SLC5A6: variants seen among roughly 807,000 people sequenced by gnomAD.
The protein encoded by SLC5A6 is sodium-dependent multivitamin transporter.
In SLC5A6, 31 loss-of-function variants were observed where a neutral mutation model predicts 67.9. That is an observed-to-expected ratio of 0.46 (90% CI 0.34 to 0.62). The LOEUF (loss-of-function observed/expected upper bound fraction) is 0.62. Among genes scored for constraint, SLC5A6 ranks in the 20% least tolerant of loss-of-function variants. The probability of loss-of-function intolerance (pLI) is 0.01; values close to 1 mark genes in which losing one functional copy is unlikely to be tolerated. For missense variants in SLC5A6, 673 were observed against 812.8 expected (o/e 0.83, Z 2.09); for synonymous variants, 343 against 331.0 (o/e 1.04, Z -0.39).
At chr2:27,205,957 C>G in intron 6 of SLC5A6, 69 bp downstream of exon 6, 1 of 1,175,178 alleles carries the variant, frequency 8.5e-7, no homozygotes, top group East Asian at 2.3e-5. Context: ...CTCTTCTTTT[C>G]CTTCTCTTCC....
chr2:27,206,866 A>G lies in SLC5A6; in HGVS notation c.459+11T>C, dbSNP rs201045263. ...TGCCCTAGGCTCGGTTTCTATCCTC[A>G]TTCTGCTTACCATCTGAAAGATGAA... On this transcript the variant is annotated intron_variant, in intron 4 of 16. Coordinates refer to ENST00000310574, the MANE Select transcript of SLC5A6 (RefSeq NM_021095.4). The G allele has an allele frequency of 3.0e-5, 49 of 1,609,226 alleles. No homozygotes were observed. Among genetic ancestry groups the G allele is most frequent in the Non-Finnish European group, 4.1e-5 (48 of 1,175,492 alleles).
At position 27,207,715 on chromosome 2, in the gene SLC5A6, G is replaced by A. The variant is rs988872353; in HGVS notation, c.-65C>T. 2.2e-5 allele frequency: 33 copies of A among 1,475,564 alleles called. No homozygotes were observed. The highest frequency in any genetic ancestry group is 1.3e-4 in the South Asian group (10 of 79,066). 91.4% of individuals were successfully genotyped at this position (1,475,564 alleles called of 1,614,324 possible). ...CAGGGCTCTGGGGTAGGGCAGGGGC[G>A]GATGTGTGGCTACAATCTGGCTTCC... On this transcript the variant is annotated 5_prime_UTR_variant, in exon 3 of 17. Coordinates refer to ENST00000310574, the MANE Select transcript of SLC5A6 (RefSeq NM_021095.4). This position sits in a 1 kb window ranked among gnomAD's most constrained non-coding sequence, Gnocchi z 5.5.
intron 7 of SLC5A6, 54 bp downstream of exon 7, chr2:27,205,296 T>C: frequency 1.9e-6 from 3 of 1,566,418 alleles, no homozygotes; most frequent in Non-Finnish European, 2.6e-6. Flanking sequence ...GCCTCTAGGA[T>C]GGGCTCAGCG....
intron 16 of SLC5A6, 52 bp from the exon 17 acceptor site, chr2:27,200,631 C>T (rs771215487): frequency 3.2e-6 from 5 of 1,561,354 alleles, no homozygotes; most frequent in Non-Finnish European, 3.5e-6. Flanking sequence ...ATGACGGGTG[C>T]TTGACAGGAT....
chr2:27,200,930 G>A, intron 16 of SLC5A6, 68 bp downstream of exon 16: 1 of 1,042,668 alleles, frequency 9.6e-7, no homozygotes, highest in Non-Finnish European at 1.5e-6. Context: ...GGGGTAGAAG[G>A]GAACCTGAAG....
intron 1 of SLC5A6, 54 bp downstream of exon 1, chr2:27,211,966 C>T: frequency 2.1e-6 from 1 of 475,572 alleles, no homozygotes; most frequent in Non-Finnish European, 3.6e-6. Context: ...CCCGCGGGGG[C>T]CCCGCCCCCT....
intron 10 of SLC5A6, 81 bp from the exon 11 acceptor site, chr2:27,203,426 T>C (rs1049284560): frequency 1.3e-5 from 16 of 1,245,640 alleles, no homozygotes; most frequent in Middle Eastern, 1.9e-4. Context: ...AATGGTGTCC[T>C]AAAGCGGGGA....
In SLC5A6 at chr2:27,203,829, C is replaced by T. The variant is rs759599317; in HGVS notation, c.1044G>A (p.Leu348=). The T allele has an allele frequency of 3.1e-6, 5 of 1,614,106 alleles. No homozygotes were observed. Among genetic ancestry groups the T allele is most frequent in the Non-Finnish European group, 4.2e-6 (5 of 1,179,942 alleles). The change falls in exon 10 of 17, where the codon CTG becomes CTA. Residue 348 remains leucine, a synonymous_variant. Coordinates refer to ENST00000310574, the MANE Select transcript of SLC5A6 (RefSeq NM_021095.4). ...CAATGAAGAGCCCTGGCAGGCCTGG[C>T]AGGCCCTTCAGGAGATCCATCACAA... ...LYFVMDLLKG[L]PGLPGLFIAC...
chr2:27,205,155 T>C (rs753883599), intron 7 of SLC5A6, 195 bp downstream of exon 7: 5 of 704,094 alleles, frequency 7.1e-6, no homozygotes, highest in East Asian at 2.7e-5. Context: ...TCCCAGGTAA[T>C]GTCCTGACTC....
upstream of SLC5A6, chr2:27,212,322 CCGCGGGGCCGGGT>C: frequency 6.5e-7 from 1 of 1,549,276 alleles, no homozygotes; most frequent in East Asian, 2.4e-5. Flanking sequence ...CGGGGCGGGG[CCGCGGGGCCGGGT>C]CGCGCGAGCA....
In SLC5A6 at chr2:27,201,393, G is replaced by A. The variant is rs771096745; in HGVS notation, c.1605C>T (p.Ser535=). ...TCAGGCCCACCACAATCACTGTGGT[G>A]GAGTTGTGAGCACTGTACCATAAGT... ...LSYLWYSAHN[S]TTVIVVGLIV... is the part of the protein sequence containing the mutation. Residue 535 remains serine (S), a synonymous_variant, in exon 15 of 17, where the codon TCC becomes TCT. Coordinates refer to ENST00000310574, the MANE Select transcript of SLC5A6 (RefSeq NM_021095.4). 6.2e-7 allele frequency: 1 copy of A among 1,613,454 alleles called. No individual in the cohort carries two copies. The highest frequency in any genetic ancestry group is 8.5e-7 in the Non-Finnish European group (1 of 1,179,512).
At chr2:27,212,582 G>T, upstream of SLC5A6, 2 of 1,459,698 alleles carry the variant, frequency 1.4e-6, no homozygotes, top group Non-Finnish European at 1.8e-6. Flanking sequence ...TTTCGTCCCT[G>T]ACGCTTCCCG....
chr2:27,206,190 T>TTGG, intron 5 of SLC5A6, 97 bp from the exon 6 acceptor site: 1 of 1,022,814 alleles, frequency 9.8e-7, no homozygotes, highest in Middle Eastern at 2.1e-4. Context: ...AGATAAAGCA[T>TTGG]TGGTCATTAA....
intron 7 of SLC5A6, 63 bp downstream of exon 7, chr2:27,205,287 C>A: frequency 6.5e-7 from 1 of 1,532,428 alleles, no homozygotes; most frequent in Non-Finnish European, 8.9e-7. Context: ...CCAAGACCAG[C>A]CTCTAGGATG....
intron 12 of SLC5A6, 77 bp from the exon 13 acceptor site, chr2:27,202,151 AC>A: frequency 1.0e-6 from 1 of 976,128 alleles, no homozygotes; most frequent in Non-Finnish European, 1.6e-6. Flanking sequence ...AAGCATAGCC[AC>A]CAGCCATGAC....
At chr2:27,203,900 C>CA (rs1173566537) in intron 9 of SLC5A6, 33 bp from the exon 10 acceptor site, 2 of 1,533,258 alleles carry the variant, frequency 1.3e-6, no homozygotes, top group African/African-American at 2.7e-5. Flanking sequence ...CAGCAGTCCT[C>CA]AGAGAGGGGT....
Position 27,207,218 on chromosome 2 carries a change from A to G in SLC5A6, c.393+40T>C, listed in dbSNP as rs1414000777. On this transcript the variant is annotated intron_variant, in intron 3 of 16. Transcript: ENST00000310574. The surrounding 1 kb of genome is among the most constrained non-coding windows in gnomAD (Gnocchi z 5.5). ...GTGCCTGTCCCTCCTCTCCACCCCA[A>G]CCCGTGTCCCACGCACTTCTCCCTT... 2 of 1,601,050 alleles carry G rather than the reference A, an allele frequency of 1.2e-6. No individual in the cohort carries two copies. The highest frequency in any genetic ancestry group is 4.5e-5 in the East Asian group (2 of 44,742).
Position 27,207,848 on chromosome 2 carries a change from G to A in SLC5A6, c.-140-58C>T, listed in dbSNP as rs1019819102. The A allele has an allele frequency of 6.6e-6, 4 of 602,866 alleles. No individual in the cohort carries two copies. The South Asian group carries it at 8.2e-5, about 12-fold the overall frequency. 37.3% of individuals were successfully genotyped at this position (602,866 alleles called of 1,614,324 possible). On this transcript the variant is annotated intron_variant, in intron 2 of 16. Coordinates refer to ENST00000310574, the MANE Select transcript of SLC5A6 (RefSeq NM_021095.4). The surrounding 1 kb of genome is among the most constrained non-coding windows in gnomAD (Gnocchi z 5.5). ...CTGGCCTTGGTAGCCATTCACCCTT[G>A]GGCCTTGTACATCGCATGCCATCAG...
chr2:27,210,761 T>C (rs990795902), intron 2 of SLC5A6, among the ~76,000 whole-genome samples: 26 of 151,402 alleles, frequency 1.7e-4, no homozygotes, highest in African/African-American at 4.8e-4. Context: ...CCCACATCAC[T>C]GCCTGTAATC....
Sources: allele counts gnomAD v4.1 joint callset (sites outside exome capture counted in the v4.1 genomes callset), GRCh38; gene constraint gnomAD v4.1.1; non-coding constraint Gnocchi (gnomAD v3.1); transcripts MANE v1.5; gene names NCBI Gene and HGNC (gene_info 2026-07-23, HGNC 2026-07-21).